Variants in ROBO2 observed in about 807,000 individuals in gnomAD.
ROBO2 encodes the protein roundabout homolog 2.
ROBO2 carries 53 observed loss-of-function variants against 160.8 expected under a neutral mutation model. The ratio of observed to expected loss-of-function variants is 0.33; its 90% confidence interval spans 0.26 to 0.41. The LOEUF is 0.41. Ranked by LOEUF, ROBO2 falls within the 10% of genes least tolerant of loss-of-function variation. ROBO2 has a pLI of 1.00. For missense variants in ROBO2, 1,577 were observed against 1,722.4 expected (o/e 0.92, Z 1.49); for synonymous variants, 664 against 611.7 (o/e 1.09, Z -1.26).
In ROBO2 at chr3:77,513,977, A is replaced by C. The variant is rs765582422; in HGVS notation, c.807-8798A>C. Among the ~76,000 whole-genome samples, 6 of 151,950 alleles carry C rather than the reference A, an allele frequency of 3.9e-5. No homozygotes were observed. In the East Asian group the frequency reaches 1.2e-3, roughly 30 times the overall value. ...ATGACTGCATTTATTTAAGTCAAAG[A>C]CTAGCAGATTTCAAAATGAAAATCA... On this transcript the variant is annotated intron_variant, in intron 5 of 25. Coordinates refer to ENST00000461745, the Ensembl canonical transcript of ROBO2.
intron 1 of ROBO2, among the ~76,000 whole-genome samples, chr3:75,931,495 G>T (rs1947532740): frequency 6.6e-6 from 1 of 152,072 alleles, no homozygotes; most frequent in Admixed American, 6.6e-5. Context: ...GGGACTACAA[G>T]CACACACCAC....
intron 2 of ROBO2, among the ~76,000 whole-genome samples, chr3:77,361,475 G>C (rs2069979326): frequency 6.6e-6 from 1 of 152,122 alleles, no homozygotes; most frequent in Admixed American, 6.6e-5. Flanking sequence ...GGTTCAGGTT[G>C]CTATAAGAAA....
At chr3:76,237,917 C>T (rs1280329834) in intron 2 of ROBO2, among the ~76,000 whole-genome samples, 1 of 152,086 alleles carries the variant, frequency 6.6e-6, no homozygotes, top group Non-Finnish European at 1.5e-5. Context: ...TAAAGGCATA[C>T]CGAAGAGAGG....
chr3:76,358,884 T>G (rs2075335681), intron 2 of ROBO2, among the ~76,000 whole-genome samples: 1 of 150,916 alleles, frequency 6.6e-6, no homozygotes, highest in South Asian at 2.1e-4. Flanking sequence ...AACTCGTCAT[T>G]TAGCATTAGG....
intron 2 of ROBO2, among the ~76,000 whole-genome samples, chr3:76,923,261 T>C (rs2076778156): frequency 6.6e-6 from 1 of 152,246 alleles, no homozygotes; most frequent in Admixed American, 6.5e-5. Flanking sequence ...ATTCTGCTTC[T>C]GAACACCGTT....
In ROBO2 at chr3:76,061,408, G is replaced by A. The variant is rs2068065984; in HGVS notation, c.109+123806G>A. ...TGGGATTTTCTTTTTTTGGTAAGAT[G>A]TATTTTTTACTTTTAAAGGAACCTG... On this transcript the variant is annotated intron_variant, in intron 2 of 26. Transcript: ENST00000487694. Among the ~76,000 whole-genome samples the A allele has an allele frequency of 2.0e-5, 3 of 152,182 alleles. No individual in the cohort carries two copies. The South Asian group carries it at 6.2e-4, about 32-fold the overall frequency.
intron 2 of ROBO2, among the ~76,000 whole-genome samples, chr3:76,648,002 T>C (rs934180948): frequency 6.6e-6 from 1 of 152,178 alleles, no homozygotes; most frequent in Admixed American, 6.5e-5. Flanking sequence ...AAAATTGGGA[T>C]AGAAATATTA....
intron 2 of ROBO2, among the ~76,000 whole-genome samples, chr3:75,980,362 A>G (rs1396601730): frequency 6.6e-6 from 1 of 151,540 alleles, no homozygotes. Context: ...TTAATCTTCT[A>G]TAGAAGCATT....
chr3:76,936,879 A>C (rs1028245952), intron 2 of ROBO2, among the ~76,000 whole-genome samples: 2 of 151,756 alleles, frequency 1.3e-5, no homozygotes, highest in Non-Finnish European at 2.9e-5. Flanking sequence ...TCTTATGAAG[A>C]CATTTGTTTC....
At chr3:76,854,605 A>G (rs912148410) in intron 2 of ROBO2, among the ~76,000 whole-genome samples, 7 of 152,186 alleles carry the variant, frequency 4.6e-5, no homozygotes, top group Non-Finnish European at 8.8e-5. Flanking sequence ...ACAGTAACTT[A>G]TGCCTTCTTG....
intron 2 of ROBO2, among the ~76,000 whole-genome samples, chr3:77,193,536 AC>A (rs1309432569): frequency 6.6e-6 from 1 of 151,946 alleles, no homozygotes; most frequent in Non-Finnish European, 1.5e-5. Flanking sequence ...CCAACAGATA[AC>A]TTTTGATGAA....
At chr3:76,524,871 TA>T (rs1577888183) in intron 2 of ROBO2, among the ~76,000 whole-genome samples, 1 of 47,312 alleles carries the variant, frequency 2.1e-5, no homozygotes, top group Non-Finnish European at 4.5e-5. Context: ...AAAAAATAAG[TA>T]AAATCAGATA....
At chr3:76,134,010 T>G (rs889815778) in intron 2 of ROBO2, among the ~76,000 whole-genome samples, 2 of 152,136 alleles carry the variant, frequency 1.3e-5, no homozygotes, top group East Asian at 3.8e-4. Context: ...GAAATTTATC[T>G]CACTGTCCTT....
chr3:76,284,629 A>G (rs796732010), intron 2 of ROBO2, among the ~76,000 whole-genome samples: 3 of 152,210 alleles, frequency 2.0e-5, no homozygotes, highest in African/African-American at 7.2e-5. Flanking sequence ...TGCTTTCTCA[A>G]AAATATTATT....
intron 2 of ROBO2, among the ~76,000 whole-genome samples, chr3:77,297,334 T>C (rs2062237180): frequency 6.6e-6 from 1 of 152,132 alleles, no homozygotes; most frequent in African/African-American, 2.4e-5. Flanking sequence ...TAATAACAAC[T>C]CACCTGCTGG....
chr3:76,249,736 G>C (rs1705867740), intron 2 of ROBO2, among the ~76,000 whole-genome samples: 1 of 152,022 alleles, frequency 6.6e-6, no homozygotes, highest in Non-Finnish European at 1.5e-5. Flanking sequence ...ATTCCACAAT[G>C]CGTTTAACTA....
At chr3:76,389,522 T>C (rs182178710) in intron 2 of ROBO2, among the ~76,000 whole-genome samples, 5 of 152,344 alleles carry the variant, frequency 3.3e-5, no homozygotes, top group Admixed American at 2.0e-4. Context: ...CTTGTTGAGA[T>C]GCATTTTCTC....
At chr3:77,432,770 T>C (rs2078908307) in intron 2 of ROBO2, among the ~76,000 whole-genome samples, 1 of 152,134 alleles carries the variant, frequency 6.6e-6, no homozygotes, top group Non-Finnish European at 1.5e-5. Context: ...CAGTTTTGAC[T>C]GTAGAGATCA....
rs148553760 is a variant in ROBO2, at chr3:76,572,519, T to G, written c.110-525495T>G. Among the ~76,000 whole-genome samples, 20 of 152,330 alleles carry G rather than the reference T, an allele frequency of 1.3e-4. No homozygotes were observed. The East Asian group carries it at 3.9e-3, about 29-fold the overall frequency. On this transcript the variant is annotated intron_variant, in intron 2 of 26. Coordinates refer to the ROBO2 transcript ENST00000487694. The stretch of plus-strand genomic sequence containing the variant: ...ATCGACATTTAGTCAAAATGCTATT[T>G]ACTTGAACAGTGTGCTCAAACAATG...
Sources: allele counts gnomAD v4.1 joint callset (sites outside exome capture counted in the v4.1 genomes callset), GRCh38; gene constraint gnomAD v4.1.1; transcripts MANE v1.5; gene names NCBI Gene and HGNC (gene_info 2026-07-23, HGNC 2026-07-21).